Variants in NEMF observed in about 807,000 individuals in gnomAD.
The protein encoded by NEMF is ribosome quality control complex subunit NEMF.
Under a neutral mutation model 162.2 loss-of-function variants are expected in NEMF, and 89 were observed. The ratio of observed to expected loss-of-function variants is 0.55; its 90% confidence interval spans 0.46 to 0.65. NEMF has a LOEUF of 0.65. NEMF is among the 30% of genes least tolerant of loss of function. NEMF has a pLI of 0.00. For synonymous variants in NEMF, 421 were observed against 404.5 expected (o/e 1.04, Z -0.49); for missense variants, 1,133 against 1,261.9 (o/e 0.90, Z 1.55).
At chr14:49,804,524 A>T (rs1891098214) in intron 19 of NEMF, among the ~76,000 whole-genome samples, 1 of 151,946 alleles carries the variant, frequency 6.6e-6, no homozygotes, top group Non-Finnish European at 1.5e-5. Flanking sequence ...AAAATTAGCC[A>T]GGCGTGGTGG....
At chr14:49,842,799 G>T (rs555094665) in intron 4 of NEMF, among the ~76,000 whole-genome samples, 1 of 152,182 alleles carries the variant, frequency 6.6e-6, no homozygotes, top group Non-Finnish European at 1.5e-5. Flanking sequence ...CTGAGGTCAG[G>T]AGTTCAAGAC....
chr14:49,806,482 G>A (rs1293780920), intron 18 of NEMF, among the ~76,000 whole-genome samples: 2 of 150,086 alleles, frequency 1.3e-5, no homozygotes, highest in Admixed American at 6.7e-5. Context: ...GGCTGGTCTT[G>A]AACTCCTGAC....
chr14:49,814,492 G>A (rs56033730), intron 17 of NEMF, among the ~76,000 whole-genome samples: 1 of 152,170 alleles, frequency 6.6e-6, no homozygotes, highest in Non-Finnish European at 1.5e-5. Flanking sequence ...TAACTTTGAA[G>A]ACTGAAAGTT....
At chr14:49,791,806 C>G (rs1890466954) in intron 26 of NEMF, among the ~76,000 whole-genome samples, 1 of 149,234 alleles carries the variant, frequency 6.7e-6, no homozygotes, top group Non-Finnish European at 1.5e-5. Context: ...GTACACTGTA[C>G]CTCAAAAAAA....
Position 49,789,587 on chromosome 14 carries a change from A to C in NEMF, c.2620-14T>G. 1 of 1,602,332 alleles carries C rather than the reference A, an allele frequency of 6.2e-7. No homozygotes were observed. Among genetic ancestry groups the C allele is most frequent in the East Asian group, 2.2e-5 (1 of 44,820 alleles). ...TTTCATTTTACTCTACAAAATCAGA[A>C]GATTTTGGTTGGAAATATTCAGCAG... On this transcript the variant is annotated splice_polypyrimidine_tract_variant and intron_variant, in intron 26 of 32. Transcript: ENST00000298310.
intron 15 of NEMF, among the ~76,000 whole-genome samples, chr14:49,826,434 C>T (rs1192572209): frequency 1.3e-5 from 2 of 150,508 alleles, no homozygotes; most frequent in African/African-American, 2.4e-5. Flanking sequence ...CCGATTTACA[C>T]TGGGTTATGG....
chr14:49,801,908 T>C (rs1407481507), intron 22 of NEMF, among the ~76,000 whole-genome samples: 1 of 152,110 alleles, frequency 6.6e-6, no homozygotes, highest in Non-Finnish European at 1.5e-5. Flanking sequence ...GAAGTCTCAC[T>C]ATATAAACAT....
intron 16 of NEMF, among the ~76,000 whole-genome samples, chr14:49,815,588 T>C (rs775350066): frequency 2.0e-5 from 3 of 152,186 alleles, no homozygotes; most frequent in African/African-American, 4.8e-5. Flanking sequence ...CCTAATATAA[T>C]AGTGAAAGGA....
In NEMF at chr14:49,828,653, C is replaced by A; in HGVS notation, c.1387G>T (p.Val463Phe). 1.3e-6 allele frequency: 2 copies of A among 1,587,588 alleles called. No individual in the cohort carries two copies. The highest frequency in any genetic ancestry group is 8.5e-7 in the Non-Finnish European group (1 of 1,173,388). ...GCATATGCTGACAAGCTGAGATCAA[C>A]ATCTACAAGTAAGGGCTTATTTTTC... ...PQKNKPLLVD[V>F]DLSLSAYANA... is the part of the protein sequence containing the mutation. The change falls in exon 14 of 33, where the codon GTT becomes TTT. Residue 463 changes from valine to phenylalanine, a missense_variant. This residue lies in a region of NEMF where 582 missense variants were observed against 631.5 expected (regional missense o/e 0.92). Transcript: ENST00000298310.
chr14:49,852,191 G>A (rs1893811885), intron 1 of NEMF, among the ~76,000 whole-genome samples: 1 of 151,820 alleles, frequency 6.6e-6, no homozygotes, highest in South Asian at 2.1e-4. Flanking sequence ...AAAGATAAAA[G>A]AGGGCCCCGA....
chr14:49,799,082 G>A (rs1890825564), intron 25 of NEMF, among the ~76,000 whole-genome samples: 1 of 151,124 alleles, frequency 6.6e-6, no homozygotes, highest in South Asian at 2.1e-4. Flanking sequence ...AGTGGCACAC[G>A]CCTGTAGTCC....
At chr14:49,849,564 T>C (rs1893673216) in intron 3 of NEMF, 1 of 152,258 alleles carries the variant, frequency 6.6e-6, no homozygotes, top group African/African-American at 2.4e-5. Context: ...GAAATCTTTC[T>C]ATACATTTAG....
intron 16 of NEMF, among the ~76,000 whole-genome samples, chr14:49,819,765 G>A (rs1288253249): frequency 6.6e-6 from 1 of 152,088 alleles, no homozygotes; most frequent in African/African-American, 2.4e-5. Context: ...TCTGAATGTT[G>A]ATGTCCCTGA....
chr14:49,811,928 C>G (rs1486346789), intron 18 of NEMF, among the ~76,000 whole-genome samples: 1 of 152,102 alleles, frequency 6.6e-6, no homozygotes, highest in East Asian at 1.9e-4. Flanking sequence ...TAATACTGGC[C>G]TTGTAGAATG....
Position 49,782,733 on chromosome 14 carries a change from G to GAAGA in NEMF, c.*1899_*1902dup. On this transcript the variant is annotated 3_prime_UTR_variant, in exon 33 of 33. Coordinates refer to ENST00000298310, the MANE Select transcript of NEMF (RefSeq NM_004713.6). ...ATAACCAGTTCCTATGAAAATCTTT[G>GAAGA]AAGAAAGAAAGAGGGATGTTTTATG... is the stretch of plus-strand genomic sequence containing the variant. The GAAGA allele has an allele frequency of 9.6e-6, 14 of 1,456,590 alleles. No homozygotes were observed. In the South Asian group the frequency reaches 1.6e-4, roughly 16 times the overall value. 90.2% of individuals were successfully genotyped at this position (1,456,590 alleles called of 1,614,324 possible).
chr14:49,834,237 T>C, intron 7 of NEMF, 126 bp downstream of exon 7: 1 of 644,650 alleles, frequency 1.6e-6, no homozygotes, highest in Non-Finnish European at 2.8e-6. Flanking sequence ...ATTGCAGGCA[T>C]GAGCCAGTGT....
chr14:49,851,751 T>A, intron 2 of NEMF, 56 bp downstream of exon 2: 2 of 1,442,368 alleles, frequency 1.4e-6, no homozygotes, highest in East Asian at 2.3e-5. Flanking sequence ...TTAAAAAAAA[T>A]CAGTAATCTC....
At chr14:49,813,956 A>G in intron 18 of NEMF, 32 bp downstream of exon 18, 1 of 1,232,844 alleles carries the variant, frequency 8.1e-7, no homozygotes, top group Non-Finnish European at 1.2e-6. Flanking sequence ...AAAGAAAGGA[A>G]CAGGAATTCT....
At chr14:49,845,082 T>C (rs1355518721) in intron 4 of NEMF, among the ~76,000 whole-genome samples, 1 of 149,102 alleles carries the variant, frequency 6.7e-6, no homozygotes, top group Non-Finnish European at 1.5e-5. Flanking sequence ...ATTAAGTTAG[T>C]TAGTTAGTTA....
Sources: allele counts gnomAD v4.1 joint callset (sites outside exome capture counted in the v4.1 genomes callset), GRCh38; gene constraint gnomAD v4.1.1; regional missense constraint gnomAD v4.1.1; transcripts MANE v1.5; gene names NCBI Gene and HGNC (gene_info 2026-07-23, HGNC 2026-07-21).